The following FAM171A1 variants were observed in gnomAD, a reference collection of about 807,000 sequenced individuals.
FAM171A1 encodes the protein family with sequence similarity 171 member A1, also known as protein FAM171A1.
A neutral mutation model predicts 74.9 loss-of-function variants in FAM171A1; 23 were observed. The observed-to-expected ratio is 0.31, with a 90% CI of 0.22 to 0.44. FAM171A1 has a LOEUF of 0.44. Among genes scored for constraint, FAM171A1 ranks in the 20% least tolerant of loss-of-function variants. The pLI is 1.00. For missense variants in FAM171A1, 1,162 were observed against 1,159.2 expected, an observed-to-expected ratio of 1.00 and a Z score of -0.03; for synonymous variants, 527 against 505.7, an observed-to-expected ratio of 1.04 and a Z score of -0.57.
Position 15,325,501 on chromosome 10 carries a change from C to T in FAM171A1, c.98-41396G>A, listed in dbSNP as rs535282475. Among the ~76,000 whole-genome samples the T allele has an allele frequency of 3.9e-5, 6 of 152,208 alleles. No individual in the cohort carries two copies. In the South Asian group the frequency reaches 1.2e-3, roughly 32 times the overall value. On this transcript the variant is annotated intron_variant, in intron 1 of 7. Transcript: ENST00000378116. ...CCAGCTTGAGCGACAGAGTGATACT[C>T]CATCTCTAAAAAACAAAACAAAAAA...
chr10:15,290,761 G>C (rs1193180600), intron 1 of FAM171A1, among the ~76,000 whole-genome samples: 1 of 152,132 alleles, frequency 6.6e-6, no homozygotes, highest in Non-Finnish European at 1.5e-5. Context: ...GAGACACAGG[G>C]ACCAGCCAGG....
chr10:15,268,188 G>C (rs777324242), intron 3 of FAM171A1, among the ~76,000 whole-genome samples: 1 of 152,166 alleles, frequency 6.6e-6, no homozygotes, highest in Non-Finnish European at 1.5e-5. Flanking sequence ...CCAGCCCTGA[G>C]TGGAAGGGGT....
At chr10:15,329,652 G>T in intron 1 of FAM171A1, among the ~76,000 whole-genome samples, 1 of 150,040 alleles carries the variant, frequency 6.7e-6, no homozygotes. Flanking sequence ...AAAAGGATGA[G>T]CTGACTCAAT....
At chr10:15,346,818 T>A (rs995089114) in intron 1 of FAM171A1, among the ~76,000 whole-genome samples, 3 of 152,030 alleles carry the variant, frequency 2.0e-5, no homozygotes, top group Non-Finnish European at 4.4e-5. Flanking sequence ...TCCTCCAGAG[T>A]CTTCTGAGAT....
chr10:15,322,266 G>A (rs1415729422), intron 1 of FAM171A1, among the ~76,000 whole-genome samples: 1 of 152,128 alleles, frequency 6.6e-6, no homozygotes, highest in African/African-American at 2.4e-5. Context: ...AGGGGCCGTC[G>A]GCTGCCAAGG....
chr10:15,282,034 G>A (rs1834976727), intron 2 of FAM171A1, among the ~76,000 whole-genome samples: 1 of 152,092 alleles, frequency 6.6e-6, no homozygotes, highest in African/African-American at 2.4e-5. Flanking sequence ...GATGTATTCA[G>A]GGCCAAGCTT....
chr10:15,244,923 T>C (rs1392408091), intron 5 of FAM171A1, among the ~76,000 whole-genome samples: 1 of 152,216 alleles, frequency 6.6e-6, no homozygotes, highest in Non-Finnish European at 1.5e-5. Flanking sequence ...CATTTACTTT[T>C]GTGATGACTA....
At chr10:15,364,404 G>A (rs1836033927) in intron 1 of FAM171A1, among the ~76,000 whole-genome samples, 1 of 152,138 alleles carries the variant, frequency 6.6e-6, no homozygotes, top group Non-Finnish European at 1.5e-5. Flanking sequence ...CCCTGTCATG[G>A]CTCCAGTTTG....
chr10:15,314,274 AAAAG>A (rs1179818514), intron 1 of FAM171A1, among the ~76,000 whole-genome samples: 7 of 152,228 alleles, frequency 4.6e-5, no homozygotes, highest in Non-Finnish European at 1.0e-4. Context: ...AAAGAAAAAA[AAAAG>A]AAAGAAATCT....
rs562914433 is a variant in FAM171A1 at position 15,213,250 on chromosome 10, G to C, written c.2338C>G (p.Pro780Ala). Residue 780 changes from proline (P) to alanine (A), a missense_variant, in exon 8 of 8, where the codon CCA becomes GCA. By Grantham distance (27) the Pro-to-Ala change is conservative. Coordinates refer to ENST00000378116, the MANE Select transcript of FAM171A1 (RefSeq NM_001010924.2). This position sits in a 1 kb window ranked among gnomAD's most constrained non-coding sequence, Gnocchi z 6.8. Reference sequence around the variant, plus strand: ...AGCTGCGTGTAGGCCGTGCTGTCTGGGGCTCGAGGCTCTTTCTGCTGGTGC... The same window carrying C: ...AGCTGCGTGTAGGCCGTGCTGTCTGCGGCTCGAGGCTCTTTCTGCTGGTGC... ...QEHQQKEPRA[P>A]DSTAYTQLVY... 3.7e-5 allele frequency: 60 copies of C among 1,614,024 alleles called. No homozygotes were observed. In the Admixed American group the frequency reaches 7.0e-4, roughly 19 times the overall value.
chr10:15,223,377 G>T (rs1016018747), intron 5 of FAM171A1, among the ~76,000 whole-genome samples: 5 of 152,154 alleles, frequency 3.3e-5, no homozygotes, highest in African/African-American at 1.2e-4. Flanking sequence ...GCCAGGAAAG[G>T]GCTGTGCATT....
chr10:15,370,461 C>T (rs1379598852), intron 1 of FAM171A1, among the ~76,000 whole-genome samples: 1 of 150,584 alleles, frequency 6.6e-6, no homozygotes, highest in Non-Finnish European at 1.5e-5. Flanking sequence ...GGGGGCACCC[C>T]GGGGCGTCAG....
intron 1 of FAM171A1, among the ~76,000 whole-genome samples, chr10:15,285,306 G>C (rs1835022678): frequency 6.6e-6 from 1 of 152,170 alleles, no homozygotes; most frequent in African/African-American, 2.4e-5. Flanking sequence ...GGCAAGTAAG[G>C]CCAGATCACA....
intron 1 of FAM171A1, among the ~76,000 whole-genome samples, chr10:15,289,701 T>A (rs1417352939): frequency 6.6e-6 from 1 of 152,220 alleles, no homozygotes; most frequent in Non-Finnish European, 1.5e-5. Context: ...CACTGTCACC[T>A]GTACCAGGTG....
At chr10:15,216,581 C>T (rs1005354393) in intron 6 of FAM171A1, among the ~76,000 whole-genome samples, 1 of 152,244 alleles carries the variant, frequency 6.6e-6, no homozygotes, top group South Asian at 2.1e-4. Context: ...CAGGCACGCA[C>T]CACCACACCT....
At position 15,213,148 on chromosome 10, in the gene FAM171A1, G is replaced by C; in HGVS notation, c.2440C>G (p.Arg814Gly). 6.2e-7 allele frequency: 1 copy of C among 1,614,064 alleles called. No homozygotes were observed. The highest frequency in any genetic ancestry group is 8.5e-7 in the Non-Finnish European group (1 of 1,180,018). The change falls in exon 8 of 8, where the codon CGA becomes GGA. Residue 814 changes from arginine to glycine, a missense_variant. Physicochemically the swap from Arg to Gly is moderately radical, Grantham distance 125 (BLOSUM62 -2). Transcript: ENST00000378116. This position sits in a 1 kb window ranked among gnomAD's most constrained non-coding sequence, Gnocchi z 6.8. ...CGACTCGACCCCTCCAACAAGCATCGCAGGGCACTGTCCTCGGGGGTACAG... is the reference window on the plus strand; with the variant it reads ...CGACTCGACCCCTCCAACAAGCATCCCAGGGCACTGTCCTCGGGGGTACAG... Reference protein sequence around the residue: ...TVCTPEDSALRCLLEGSSRRS... With the variant: ...TVCTPEDSALGCLLEGSSRRS...
At chr10:15,261,704 C>CTATG (rs1834659479) in intron 3 of FAM171A1, among the ~76,000 whole-genome samples, 1 of 152,250 alleles carries the variant, frequency 6.6e-6, no homozygotes. Flanking sequence ...GTAACAGCAT[C>CTATG]TATGAAGGGG....
At chr10:15,318,705 C>G (rs79624067) in intron 1 of FAM171A1, among the ~76,000 whole-genome samples, 1,812 of 152,226 alleles carry the variant, frequency 0.012, 37 homozygotes, top group African/African-American at 0.042. Flanking sequence ...TATTTTAATT[C>G]TCATCCCCTC....
At chr10:15,267,164 A>T (rs968002279) in intron 3 of FAM171A1, among the ~76,000 whole-genome samples, 12 of 152,180 alleles carry the variant, frequency 7.9e-5, no homozygotes, top group Non-Finnish European at 1.5e-4. Flanking sequence ...CTTGGTAGAG[A>T]TCAACAGGGC....
Sources: allele counts gnomAD v4.1 joint callset (sites outside exome capture counted in the v4.1 genomes callset), GRCh38; gene constraint gnomAD v4.1.1; non-coding constraint Gnocchi (gnomAD v3.1); transcripts MANE v1.5; gene names NCBI Gene and HGNC (gene_info 2026-07-23, HGNC 2026-07-21).